PLEKHA5: variants seen among roughly 807,000 people sequenced by gnomAD.
PLEKHA5 encodes the protein pleckstrin homology domain-containing family A member 5.
In PLEKHA5, 55 loss-of-function variants were observed where a neutral mutation model predicts 181.9. That is an observed-to-expected ratio of 0.30 (90% CI 0.24 to 0.38). The LOEUF is 0.38. PLEKHA5 is among the 10% of genes least tolerant of loss of function. The pLI, the probability that PLEKHA5 is intolerant of heterozygous loss-of-function variation, is 1.00. For synonymous variants in PLEKHA5, 535 were observed against 529.4 expected (o/e 1.01, Z -0.15); for missense variants, 1,432 against 1,549.5 (o/e 0.92, Z 1.27).
chr12:19,350,985 AT>A (rs1464370755), intron 25 of PLEKHA5, among the ~76,000 whole-genome samples: 1 of 123,170 alleles, frequency 8.1e-6, no homozygotes, highest in Non-Finnish European at 1.6e-5. Flanking sequence ...TTGAGACAGG[AT>A]CTCACCATCG....
In PLEKHA5 at chr12:19,130,903, G is replaced by C. The variant is rs2033587472; in HGVS notation, c.169+773G>C. On this transcript the variant is annotated intron_variant, in intron 2 of 31. Coordinates refer to ENST00000429027, the MANE Select transcript of PLEKHA5 (RefSeq NM_001256470.2). The surrounding 1 kb of genome is among the most constrained non-coding windows in gnomAD (Gnocchi z 4.5). ...GCCAGGAGGCGGTGGGCGTGCGAGG[G>C]GGTGTCCCGTATGGGGGCACCCGGG... is the stretch of plus-strand genomic sequence containing the variant. The C allele has an allele frequency of 6.6e-6, 1 of 152,300 alleles. No individual in the cohort carries two copies. Among genetic ancestry groups the C allele is most frequent in the Admixed American group, 6.5e-5 (1 of 15,276 alleles). 9.4% of individuals were successfully genotyped at this position (152,300 alleles called of 1,614,324 possible). A position where few individuals can be genotyped will look rare whatever the true frequency, so the allele number is the denominator to read the frequency against.
At chr12:19,313,005 G>A (rs962568927) in intron 15 of PLEKHA5, among the ~76,000 whole-genome samples, 5 of 152,098 alleles carry the variant, frequency 3.3e-5, no homozygotes, top group African/African-American at 9.7e-5. Context: ...GTTGTGTCTC[G>A]AGGAATAGGC....
chr12:19,242,886 G>A (rs1330437340), intron 3 of PLEKHA5, among the ~76,000 whole-genome samples: 1 of 152,170 alleles, frequency 6.6e-6, no homozygotes, highest in Non-Finnish European at 1.5e-5. Context: ...TGGTAGAAAT[G>A]TGAGGTAACA....
intron 3 of PLEKHA5, among the ~76,000 whole-genome samples, chr12:19,159,359 G>A (rs1041780142): frequency 6.6e-6 from 1 of 152,038 alleles, no homozygotes; most frequent in African/African-American, 2.4e-5. Flanking sequence ...CTTTTCACTT[G>A]AAACAATGAT....
intron 15 of PLEKHA5, among the ~76,000 whole-genome samples, chr12:19,301,933 G>A (rs1288029211): frequency 6.6e-6 from 1 of 152,100 alleles, no homozygotes; most frequent in Non-Finnish European, 1.5e-5. Flanking sequence ...AGAGAGAGTG[G>A]AAGGCAAATT....
intron 3 of PLEKHA5, among the ~76,000 whole-genome samples, chr12:19,148,883 C>G (rs2039633193): frequency 6.6e-6 from 1 of 152,266 alleles, no homozygotes; most frequent in Non-Finnish European, 1.5e-5. Flanking sequence ...TTTACAATAT[C>G]AAGTCAGCCC....
intron 3 of PLEKHA5, among the ~76,000 whole-genome samples, chr12:19,205,984 A>G (rs2055388826): frequency 6.6e-6 from 1 of 152,138 alleles, no homozygotes; most frequent in African/African-American, 2.4e-5. Flanking sequence ...TTGATCATAT[A>G]AACTATTCTA....
chr12:19,166,321 A>C (rs562983593), intron 3 of PLEKHA5, among the ~76,000 whole-genome samples: 1 of 152,206 alleles, frequency 6.6e-6, no homozygotes, highest in Non-Finnish European at 1.5e-5. Flanking sequence ...TACTGTAGTT[A>C]TTTAAACGTG....
At chr12:19,208,484 A>G (rs1360566310) in intron 3 of PLEKHA5, among the ~76,000 whole-genome samples, 1 of 151,986 alleles carries the variant, frequency 6.6e-6, no homozygotes, top group Non-Finnish European at 1.5e-5. Context: ...ATACTCATGG[A>G]CGTAGAATAC....
At chr12:19,246,496 G>C (rs1487872731) in intron 3 of PLEKHA5, among the ~76,000 whole-genome samples, 1 of 151,236 alleles carries the variant, frequency 6.6e-6, no homozygotes, top group Admixed American at 6.6e-5. Flanking sequence ...GGTGGCAGGC[G>C]CCTGTAATCC....
chr12:19,333,648 G>A (rs2452178), intron 20 of PLEKHA5, among the ~76,000 whole-genome samples: 22,244 of 139,380 alleles, frequency 0.16, 2,339 homozygotes, highest in East Asian at 0.29. Flanking sequence ...TCGCACTGTC[G>A]CCCGAGCTGG....
chr12:19,256,350 A>G (rs1221328283), intron 5 of PLEKHA5, among the ~76,000 whole-genome samples: 1 of 152,210 alleles, frequency 6.6e-6, no homozygotes, highest in Non-Finnish European at 1.5e-5. Context: ...AGAAGAGTGG[A>G]TATTAAAATA....
intron 20 of PLEKHA5, among the ~76,000 whole-genome samples, chr12:19,330,424 C>G (rs2092725965): frequency 6.6e-6 from 1 of 151,450 alleles, no homozygotes; most frequent in Admixed American, 6.6e-5. Context: ...CAAGTCGAGG[C>G]TAAGTGAAAA....
intron 3 of PLEKHA5, among the ~76,000 whole-genome samples, chr12:19,215,092 A>G (rs1592091134): frequency 2.0e-5 from 3 of 152,136 alleles, no homozygotes; most frequent in Admixed American, 2.0e-4. Context: ...CAGGAGAATC[A>G]CTTGAACCTG....
chr12:19,306,329 T>TG, intron 15 of PLEKHA5: 1 of 412,194 alleles, frequency 2.4e-6, no homozygotes, highest in Non-Finnish European at 4.8e-6. Flanking sequence ...GGAGGCGAGG[T>TG]GGGGGTGGCC....
intron 15 of PLEKHA5, among the ~76,000 whole-genome samples, chr12:19,304,756 CTT>C (rs112010862): frequency 2.8e-5 from 4 of 143,648 alleles, no homozygotes; most frequent in African/African-American, 5.1e-5. Context: ...GGCCGGGGGG[CTT>C]TTTTTTTTTT....
intron 29 of PLEKHA5, among the ~76,000 whole-genome samples, chr12:19,364,924 T>A (rs1182736327): frequency 1.3e-5 from 2 of 152,106 alleles, no homozygotes; most frequent in Non-Finnish European, 2.9e-5. Context: ...CCTCTCAAAG[T>A]GCTGTGATTA....
At chr12:19,163,015 G>C (rs1192401779) in intron 3 of PLEKHA5, among the ~76,000 whole-genome samples, 1 of 152,000 alleles carries the variant, frequency 6.6e-6, no homozygotes, top group East Asian at 1.9e-4. Flanking sequence ...AAACATTGCT[G>C]GCTCTTTTTA....
intron 3 of PLEKHA5, among the ~76,000 whole-genome samples, chr12:19,139,644 C>A (rs552162186): frequency 1.3e-5 from 2 of 152,116 alleles, no homozygotes; most frequent in African/African-American, 4.8e-5. Flanking sequence ...AATAATCATG[C>A]AAATATGTAA....
Sources: gnomAD v4.1 joint callset for allele counts (sites outside exome capture counted in the v4.1 genomes callset) on GRCh38, gnomAD v4.1.1 for gene constraint, Gnocchi (gnomAD v3.1) non-coding constraint, MANE v1.5 for transcripts, NCBI Gene and HGNC (gene_info 2026-07-23, HGNC 2026-07-21) for gene names.